Variants in SLC4A5 observed in about 807,000 individuals in gnomAD.
The protein encoded by SLC4A5 is solute carrier family 4 member 5.
Under a neutral mutation model 120.4 loss-of-function variants are expected in SLC4A5, and 96 were observed. That is an observed-to-expected ratio of 0.80 (90% CI 0.68 to 0.94). The LOEUF is 0.94. SLC4A5 is among the 40% of genes least tolerant of loss of function. The pLI is 0.00. For missense variants in SLC4A5, 1,259 were observed against 1,459.5 expected, an observed-to-expected ratio of 0.86 and a Z score of 2.24; for synonymous variants, 550 against 571.1, an observed-to-expected ratio of 0.96 and a Z score of 0.53.
At chr2:74,273,607 T>C (rs549182275) in intron 8 of SLC4A5, among the ~76,000 whole-genome samples, 1 of 152,348 alleles carries the variant, frequency 6.6e-6, no homozygotes, top group South Asian at 2.1e-4. Flanking sequence ...AGGCCTGTAA[T>C]ACATTTTGTA....
At chr2:74,246,178 C>T (rs1308826318) in intron 19 of SLC4A5, among the ~76,000 whole-genome samples, 1 of 152,190 alleles carries the variant, frequency 6.6e-6, no homozygotes, top group Admixed American at 6.5e-5. Flanking sequence ...GTGTTTTGGC[C>T]AGAAAGTAAC....
intron 5 of SLC4A5, among the ~76,000 whole-genome samples, chr2:74,324,397 A>G (rs754899510): frequency 2.2e-4 from 33 of 152,170 alleles, no homozygotes; most frequent in South Asian, 6.2e-4. Flanking sequence ...AGTAGGTGGG[A>G]TTACACGTGT....
In SLC4A5 at chr2:74,218,348, G is replaced by GA. The variant is rs575318140; in HGVS notation, c.*477dup. 5.7e-4 allele frequency: 87 copies of GA among 152,256 alleles called. No homozygotes were observed. The South Asian group carries it at 0.017, about 30-fold the overall frequency. The allele number at this position is 152,256 out of a possible 1,614,324, so 9.4% of individuals were successfully genotyped here. A position where few individuals can be genotyped will look rare whatever the true frequency, so the allele number is the denominator to read the frequency against. On this transcript the variant is annotated 3_prime_UTR_variant, in exon 31 of 31. Coordinates refer to ENST00000394019, the Ensembl canonical transcript of SLC4A5. ...CCCTTTATCTTAGCTATGGTTTGGG[G>GA]AAACAAGCATTTTTTTATTTCCAAA...
chr2:74,289,118 CTA>C (rs777395825), intron 7 of SLC4A5, among the ~76,000 whole-genome samples: 1 of 152,140 alleles, frequency 6.6e-6, no homozygotes, highest in Non-Finnish European at 1.5e-5. Flanking sequence ...ATCCCATTCC[CTA>C]TGTAGCAGTA....
intron 7 of SLC4A5, among the ~76,000 whole-genome samples, chr2:74,287,590 T>C (rs774821905): frequency 7.9e-5 from 12 of 152,130 alleles, no homozygotes; most frequent in Non-Finnish European, 7.4e-5. Context: ...AAGTCTCAAG[T>C]GCGGCATCCT....
chr2:74,339,524 G>C (rs550673253), intron 2 of SLC4A5: 2 of 152,294 alleles, frequency 1.3e-5, no homozygotes, highest in African/African-American at 4.8e-5. Context: ...TATGGGTACA[G>C]TATGGTCTCT....
intron 20 of SLC4A5, 144 bp from the exon 21 acceptor site, chr2:74,239,679 G>A (rs1670376195): frequency 2.7e-6 from 2 of 733,986 alleles, no homozygotes; most frequent in South Asian, 3.6e-5. Flanking sequence ...TCCTGGGGAC[G>A]GGCTGGTTCA....
chr2:74,318,925 C>A (rs1163439738), intron 5 of SLC4A5, among the ~76,000 whole-genome samples: 1 of 152,090 alleles, frequency 6.6e-6, no homozygotes, highest in Middle Eastern at 3.4e-3. Context: ...CAGCACTATT[C>A]ACAATAGCAA....
intron 2 of SLC4A5, 67 bp from the exon 3 acceptor site, chr2:74,338,970 T>C (rs193129499): frequency 1.1e-4 from 16 of 152,248 alleles, no homozygotes; most frequent in African/African-American, 3.6e-4. Context: ...GTCACAGTTG[T>C]AGTGAGAATT....
At chr2:74,320,780 C>T (rs368646893) in intron 5 of SLC4A5, among the ~76,000 whole-genome samples, 24 of 152,106 alleles carry the variant, frequency 1.6e-4, no homozygotes, top group South Asian at 6.2e-4. Flanking sequence ...GAGCAACAGG[C>T]ACATCTTAGA....
intron 8 of SLC4A5, among the ~76,000 whole-genome samples, chr2:74,268,503 G>A (rs543504006): frequency 6.6e-6 from 1 of 152,318 alleles, no homozygotes; most frequent in East Asian, 1.9e-4. Context: ...TAATTGATAG[G>A]AACAGTTCTC....
At chr2:74,316,718 A>G (rs1672976515) in intron 5 of SLC4A5, among the ~76,000 whole-genome samples, 1 of 152,210 alleles carries the variant, frequency 6.6e-6, no homozygotes, top group Non-Finnish European at 1.5e-5. Context: ...ACTGGCCTTG[A>G]GACAAGCAAT....
chr2:74,331,120 T>G (rs1398491210), intron 4 of SLC4A5, among the ~76,000 whole-genome samples: 1 of 147,072 alleles, frequency 6.8e-6, no homozygotes, highest in African/African-American at 2.5e-5. Flanking sequence ...GGTGGTGAGG[T>G]GTAGATGGAG....
rs1670686589 is a variant in SLC4A5, at chr2:74,248,419, G to A, written c.1721C>T (p.Pro574Leu). ...CCCCGTGCTGCTGAGAATGATGAGAGGCTGTCCCGAGAAGAGGCAGAACAA... is the reference window on the plus strand; with the variant it reads ...CCCCGTGCTGCTGAGAATGATGAGAAGCTGTCCCGAGAAGAGGCAGAACAA... The change falls in exon 18 of 31, where the codon CCT (proline) becomes CTT (leucine). Residue 574 changes from proline (P) to leucine (L), a missense_variant. Coordinates refer to ENST00000394019, the Ensembl canonical transcript of SLC4A5. The A allele has an allele frequency of 6.2e-7, 1 of 1,614,212 alleles. No homozygotes were observed.
At chr2:74,245,990 TCA>T (rs1670597811) in intron 19 of SLC4A5, among the ~76,000 whole-genome samples, 1 of 152,124 alleles carries the variant, frequency 6.6e-6, no homozygotes, top group African/African-American at 2.4e-5. Flanking sequence ...TCTCTGGACC[TCA>T]GTTTGCTCTC....
At position 74,285,771 on chromosome 2, in the gene SLC4A5, A is replaced by G; in HGVS notation, c.401+2T>C. On this transcript the variant is annotated splice_donor_variant, in intron 8 of 30. Transcript: ENST00000394019. LOFTEE classifies it high-confidence loss of function. ...CACCTCCCTCGTGGGGCCCCGCCTC[A>G]CCTGGCTGACTCCTTCCACTCCATC... is the stretch of plus-strand genomic sequence containing the variant. 6.2e-7 allele frequency: 1 copy of G among 1,609,622 alleles called. No individual in the cohort carries two copies.
chr2:74,242,107 G>A, intron 19 of SLC4A5, 55 bp from the exon 20 acceptor site: 3 of 1,514,424 alleles, frequency 2.0e-6, no homozygotes, highest in African/African-American at 1.4e-5. Context: ...GCTGGGAGCT[G>A]CATTCCCAAC....
chr2:74,220,964 C>T (rs940944430), intron 30 of SLC4A5, among the ~76,000 whole-genome samples: 1 of 151,082 alleles, frequency 6.6e-6, no homozygotes, highest in Non-Finnish European at 1.5e-5. Context: ...CCTCAGCCTC[C>T]CTAGTAGCTG....
intron 5 of SLC4A5, among the ~76,000 whole-genome samples, chr2:74,317,976 A>G (rs187219417): frequency 6.6e-6 from 1 of 152,268 alleles, no homozygotes; most frequent in African/African-American, 2.4e-5. Flanking sequence ...AAAAAGTCCA[A>G]GGAAACAGGA....
Sources: allele counts gnomAD v4.1 joint callset (sites outside exome capture counted in the v4.1 genomes callset), GRCh38; gene constraint gnomAD v4.1.1; transcripts MANE v1.5; gene names NCBI Gene and HGNC (gene_info 2026-07-23, HGNC 2026-07-21).